PARD3B: variants seen among roughly 807,000 people sequenced by gnomAD.
The protein encoded by PARD3B is partitioning defective 3 homolog B.
In PARD3B, 103 loss-of-function variants were observed where a neutral mutation model predicts 130.2. The ratio of observed to expected loss-of-function variants is 0.79; its 90% confidence interval spans 0.67 to 0.93. The LOEUF (loss-of-function observed/expected upper bound fraction) is 0.93. Ranked by LOEUF, PARD3B falls within the 40% of genes least tolerant of loss-of-function variation. PARD3B has a pLI of 0.00. For missense variants in PARD3B, 1,609 were observed against 1,499.2 expected (o/e 1.07, Z -1.21); for synonymous variants, 583 against 553.2 (o/e 1.05, Z -0.76).
At chr2:205,190,765 A>C (rs989923376) in intron 14 of PARD3B, among the ~76,000 whole-genome samples, 1 of 152,224 alleles carries the variant, frequency 6.6e-6, no homozygotes, top group African/African-American at 2.4e-5. Context: ...CATCATCACA[A>C]CAGATCAAAG....
intron 2 of PARD3B, among the ~76,000 whole-genome samples, chr2:204,909,784 T>C (rs1197513033): frequency 2.0e-5 from 3 of 152,204 alleles, no homozygotes; most frequent in South Asian, 2.1e-4. Context: ...TGATTGACTT[T>C]TGAAATCATC....
At chr2:204,746,151 G>T (rs1480077795) in intron 2 of PARD3B, among the ~76,000 whole-genome samples, 15 of 108,052 alleles carry the variant, frequency 1.4e-4, no homozygotes, top group Non-Finnish European at 2.6e-4. Flanking sequence ...CCTACAAGAG[G>T]CCCCAGTGTG....
chr2:205,536,745 A>G (rs1356208241), intron 21 of PARD3B, among the ~76,000 whole-genome samples: 10 of 152,172 alleles, frequency 6.6e-5, no homozygotes, highest in Non-Finnish European at 1.0e-4. Context: ...GCTATTTTCC[A>G]TACCAAAACC....
chr2:205,270,102 T>G (rs62171467), intron 16 of PARD3B, among the ~76,000 whole-genome samples: 14,596 of 152,200 alleles, frequency 0.096, 678 homozygotes, highest in South Asian at 0.12. Flanking sequence ...AAACATCTCA[T>G]GTACCCCACA....
rs78760714 is a variant in PARD3B, at chr2:204,632,886, G to A, written c.121-53295G>A. On this transcript the variant is annotated intron_variant, in intron 1 of 22. Transcript: ENST00000406610. ...TTCCTGGATATTTCAGTATTCACTC[G>A]CACCTTTTGTTCCCCTCGGTGAGTG... 8.1e-3 allele frequency among the ~76,000 whole-genome samples: 1,236 copies of A among 152,240 alleles called. 9 individuals carry two copies. Among genetic ancestry groups the A allele is most frequent in the African/African-American group, 0.027 (1,135 of 41,536 alleles).
chr2:205,000,671 A>G (rs1306264628), intron 3 of PARD3B, among the ~76,000 whole-genome samples: 1 of 152,338 alleles, frequency 6.6e-6, no homozygotes, highest in East Asian at 1.9e-4. Flanking sequence ...CACATTTTAC[A>G]GGTTCATTTT....
rs1246750736 is a variant in PARD3B at position 205,419,916 on chromosome 2, C to CA, written c.2741+18802dup. 1.3e-4 allele frequency among the ~76,000 whole-genome samples: 19 copies of CA among 151,114 alleles called. 1 individual carries two copies. The highest frequency in any genetic ancestry group is 3.4e-3 in the Middle Eastern group (1 of 290). ...TCTTCAAATGATGTCCCTCCCTCTT[C>CA]AAAAAAAAATCTGTTCAGTGAATGT... On this transcript the variant is annotated intron_variant, in intron 19 of 22. Coordinates refer to ENST00000406610, the MANE Select transcript of PARD3B (RefSeq NM_001302769.2).
chr2:205,284,650 T>C (rs902212585), intron 16 of PARD3B, among the ~76,000 whole-genome samples: 2 of 152,098 alleles, frequency 1.3e-5, no homozygotes, highest in Admixed American at 6.6e-5. Context: ...CTGTTAATGG[T>C]ATCCTAATGT....
At chr2:205,141,132 G>C (rs2032915763) in intron 10 of PARD3B, among the ~76,000 whole-genome samples, 1 of 152,160 alleles carries the variant, frequency 6.6e-6, no homozygotes, top group African/African-American at 2.4e-5. Context: ...TCTTCTTTCG[G>C]GTCAAATAGA....
chr2:205,234,272 A>G (rs563338088), intron 15 of PARD3B, among the ~76,000 whole-genome samples: 1 of 152,298 alleles, frequency 6.6e-6, no homozygotes, highest in East Asian at 1.9e-4. Flanking sequence ...GTGAGCTGTG[A>G]TCATGGCATT....
chr2:204,652,108 C>T (rs185778382), intron 1 of PARD3B, among the ~76,000 whole-genome samples: 33 of 152,312 alleles, frequency 2.2e-4, no homozygotes, highest in Admixed American at 2.0e-3. Context: ...TCCCCATTGT[C>T]TTGGCTATTA....
intron 20 of PARD3B, among the ~76,000 whole-genome samples, chr2:205,494,823 A>G (rs1323673310): frequency 6.6e-6 from 1 of 152,146 alleles, no homozygotes; most frequent in Non-Finnish European, 1.5e-5. Context: ...ACCATTCACC[A>G]GTTGTGTTCC....
At chr2:205,275,475 T>G (rs772032008) in intron 16 of PARD3B, among the ~76,000 whole-genome samples, 8 of 152,084 alleles carry the variant, frequency 5.3e-5, no homozygotes, top group Non-Finnish European at 1.0e-4. Flanking sequence ...GCATAAAAAA[T>G]CTGGGGTCTT....
intron 1 of PARD3B, among the ~76,000 whole-genome samples, chr2:204,631,050 C>T (rs2034661749): frequency 6.6e-6 from 1 of 151,998 alleles, no homozygotes; most frequent in South Asian, 2.1e-4. Flanking sequence ...GTTAGCTTGT[C>T]AACTGGAGAT....
intron 1 of PARD3B, among the ~76,000 whole-genome samples, chr2:204,575,037 T>C (rs1175575913): frequency 6.6e-6 from 1 of 152,196 alleles, no homozygotes; most frequent in Non-Finnish European, 1.5e-5. Flanking sequence ...TGCTGATGTT[T>C]TTTTTTCTGG....
intron 21 of PARD3B, among the ~76,000 whole-genome samples, chr2:205,542,354 TTGTGTGTG>T (rs143438143): frequency 0.049 from 7,092 of 145,176 alleles, 238 homozygotes; most frequent in East Asian, 0.18. Flanking sequence ...TAGTTTGTGT[TTGTGTGTG>T]TGTGTGTGTG....
intron 2 of PARD3B, among the ~76,000 whole-genome samples, chr2:204,950,014 A>G (rs1004332472): frequency 3.3e-5 from 5 of 152,232 alleles, no homozygotes; most frequent in Non-Finnish European, 4.4e-5. Context: ...AATGATAGTG[A>G]TGATTACAAT....
At chr2:205,417,009 C>T (rs912870072) in intron 19 of PARD3B, among the ~76,000 whole-genome samples, 10 of 151,674 alleles carry the variant, frequency 6.6e-5, no homozygotes, top group African/African-American at 2.2e-4. Flanking sequence ...ATACATGTGC[C>T]GTGTTGGTGT....
chr2:205,313,230 G>T (rs1330623222), intron 18 of PARD3B, among the ~76,000 whole-genome samples: 1 of 152,190 alleles, frequency 6.6e-6, no homozygotes, highest in Non-Finnish European at 1.5e-5. Context: ...AGGACCCAGA[G>T]ACAGATGGGC....
Sources: allele counts gnomAD v4.1 joint callset (sites outside exome capture counted in the v4.1 genomes callset), GRCh38; gene constraint gnomAD v4.1.1; transcripts MANE v1.5; gene names NCBI Gene and HGNC (gene_info 2026-07-23, HGNC 2026-07-21).